PLEKHG2: variants seen among roughly 807,000 people sequenced by gnomAD.
PLEKHG2 encodes the protein pleckstrin homology domain-containing family G member 2.
A neutral mutation model predicts 104.4 loss-of-function variants in PLEKHG2; 71 were observed. That is an observed-to-expected ratio of 0.68 (90% CI 0.56 to 0.83). The LOEUF (loss-of-function observed/expected upper bound fraction) is 0.83. Ranked by LOEUF, PLEKHG2 falls within the 40% of genes least tolerant of loss-of-function variation. PLEKHG2 has a pLI of 0.00. For missense variants in PLEKHG2, 1,730 were observed against 1,809.4 expected (o/e 0.96, Z 0.80); for synonymous variants, 728 against 737.0 (o/e 0.99, Z 0.20).
chr19:39,425,336 A>G lies in PLEKHG2; in HGVS notation c.*42A>G. 6.3e-7 allele frequency: 1 copy of G among 1,580,164 alleles called. No individual in the cohort carries two copies. Among genetic ancestry groups the G allele is most frequent in the South Asian group, 1.2e-5 (1 of 86,538 alleles). ...TCCCTGAAGCAAGGATTTCAGCCAG[A>G]TGCCATAGACCCTCAGAACTTGACC... On this transcript the variant is annotated 3_prime_UTR_variant, in exon 19 of 19. Coordinates refer to ENST00000425673, the MANE Select transcript of PLEKHG2 (RefSeq NM_022835.3).
chr19:39,416,031 G>A lies in PLEKHG2; in HGVS notation c.480-317G>A, dbSNP rs940710636. ...ATGACATTTCCAAGTACCTTGACGAGGTCTCGGGATTACAGCAGGAACTTA... is the reference window on the plus strand; with the variant it reads ...ATGACATTTCCAAGTACCTTGACGAAGTCTCGGGATTACAGCAGGAACTTA... On this transcript the variant is annotated intron_variant, in intron 4 of 18. Coordinates refer to ENST00000425673, the MANE Select transcript of PLEKHG2 (RefSeq NM_022835.3). The surrounding 1 kb of genome is among the most constrained non-coding windows in gnomAD (Gnocchi z 4.5). 3.3e-5 allele frequency among the ~76,000 whole-genome samples: 5 copies of A among 152,124 alleles called. No individual in the cohort carries two copies. The highest frequency in any genetic ancestry group is 2.1e-4 in the South Asian group (1 of 4,828).
At position 39,416,303 on chromosome 19, in the gene PLEKHG2, G is replaced by A. The variant is rs1277531799; in HGVS notation, c.480-45G>A. On this transcript the variant is annotated intron_variant, in intron 4 of 18. Transcript: ENST00000425673. This position sits in a 1 kb window ranked among gnomAD's most constrained non-coding sequence, Gnocchi z 4.5. Reference sequence around the variant, plus strand: ...GCCTCCTGGAGGCCTCCCATGGAGGGGTCGTGAAGGCAGGCGGTTCCTCAC... The same window carrying A: ...GCCTCCTGGAGGCCTCCCATGGAGGAGTCGTGAAGGCAGGCGGTTCCTCAC... 3 of 1,602,260 alleles carry A rather than the reference G, an allele frequency of 1.9e-6. No homozygotes were observed. The highest frequency in any genetic ancestry group is 3.3e-5 in the Admixed American group (2 of 59,810).
At position 39,413,290 on chromosome 19, in the gene PLEKHG2, T is replaced by G. The variant is rs896747586; in HGVS notation, c.-145T>G. The G allele has an allele frequency of 6.6e-6, 1 of 152,186 alleles. No homozygotes were observed. The highest frequency in any genetic ancestry group is 2.4e-5 in the African/African-American group (1 of 41,430). 9.4% of individuals were successfully genotyped at this position (152,186 alleles called of 1,614,324 possible). ...GTCTCCGAGAGACCCCAGATTCTAT[T>G]CCTGGAGCCTGAGAGCCCGAAGTTC... On this transcript the variant is annotated 5_prime_UTR_variant, in exon 1 of 19. In the 5' UTR this introduces an upstream ATG that the reference lacks. Coordinates refer to ENST00000425673, the MANE Select transcript of PLEKHG2 (RefSeq NM_022835.3). The surrounding 1 kb of genome is among the most constrained non-coding windows in gnomAD (Gnocchi z 4.5).
In PLEKHG2 at chr19:39,416,793, C is replaced by T; in HGVS notation, c.594-57C>T. 2 of 1,549,152 alleles carry T rather than the reference C, an allele frequency of 1.3e-6. No homozygotes were observed. Among genetic ancestry groups the T allele is most frequent in the Non-Finnish European group, 1.7e-6 (2 of 1,149,226 alleles). On this transcript the variant is annotated intron_variant, in intron 6 of 18. Coordinates refer to ENST00000425673, the MANE Select transcript of PLEKHG2 (RefSeq NM_022835.3). The surrounding 1 kb of genome is among the most constrained non-coding windows in gnomAD (Gnocchi z 4.5). ...CCAAACCCTGGCCCCTCCCTAACCC[C>T]TCTTGACCCCGCCCACTGGAACTGA...
chr19:39,421,222 A>G (rs2078695260), intron 15 of PLEKHG2, 61 bp from the exon 16 acceptor site: 2 of 1,612,544 alleles, frequency 1.2e-6, no homozygotes, highest in Non-Finnish European at 1.7e-6. Flanking sequence ...TTATGGGGGA[A>G]TCACTCTTTT....
chr19:39,421,115 T>G lies in PLEKHG2; in HGVS notation c.1486+2T>G. On this transcript the variant is annotated splice_donor_variant, in intron 15 of 18. Transcript: ENST00000425673. LOFTEE classifies it high-confidence loss of function. ...CTTATGTCATGTTCCCACAGAACGG[T>G]CAGTGACTGCCCCGGTTCAGCCTGG... The G allele has an allele frequency of 6.2e-7, 1 of 1,613,974 alleles. No individual in the cohort carries two copies. Among genetic ancestry groups the G allele is most frequent in the Admixed American group, 1.7e-5 (1 of 60,022 alleles).
In PLEKHG2 at chr19:39,416,867, G is replaced by A. The variant is rs148224668; in HGVS notation, c.611G>A (p.Arg204Gln). Residue 204 changes from arginine to glutamine, a missense_variant, in exon 7 of 19, where the codon CGG becomes CAG. By Grantham distance (43) the Arg-to-Gln change is conservative. Coordinates refer to ENST00000425673, the MANE Select transcript of PLEKHG2 (RefSeq NM_022835.3). The surrounding 1 kb of genome is among the most constrained non-coding windows in gnomAD (Gnocchi z 4.5). ...MNYPSSLALLRELSLSPPAAL... is the reference protein window; with the variant it reads ...MNYPSSLALLQELSLSPPAAL... ...GCCCCCAGCTCCCTGGCCCTGCTCC[G>A]GGAGCTGTCGTTGTCTCCGCCAGCA... The A allele has an allele frequency of 1.2e-5, 19 of 1,608,344 alleles. No homozygotes were observed. Among genetic ancestry groups the A allele is most frequent in the Admixed American group, 1.7e-5 (1 of 59,238 alleles).
intron 2 of PLEKHG2, among the ~76,000 whole-genome samples, chr19:39,414,660 G>A (rs552455993): frequency 6.6e-6 from 1 of 152,330 alleles, no homozygotes; most frequent in East Asian, 1.9e-4. Context: ...ACATTGCCCA[G>A]TGCCCTGTGG....
In PLEKHG2 at chr19:39,418,940, G is replaced by A; in HGVS notation, c.1200G>A (p.Arg400=). 1.2e-6 allele frequency: 2 copies of A among 1,613,050 alleles called. No homozygotes were observed. The highest frequency in any genetic ancestry group is 1.1e-5 in the South Asian group (1 of 90,870). Residue 400 remains arginine (R), a synonymous_variant, in exon 11 of 19, where the codon AGG becomes AGA. Coordinates refer to ENST00000425673, the MANE Select transcript of PLEKHG2 (RefSeq NM_022835.3). ...AGGCCAAGAACCAAGAAGAGAAGAG[G>A]CTGTGGATTCACTGTCTCCAGCGCC... is the stretch of plus-strand genomic sequence containing the variant. ...LLQAKNQEEK[R]LWIHCLQRLF...
rs1331484397 is a variant in PLEKHG2 at position 39,417,765 on chromosome 19, A to G, written c.882+73A>G. On this transcript the variant is annotated intron_variant, in intron 8 of 18. Coordinates refer to ENST00000425673, the MANE Select transcript of PLEKHG2 (RefSeq NM_022835.3). The stretch of plus-strand genomic sequence containing the variant: ...GGGGCCTTGGGGCGGGTGGGGGGAA[A>G]TCAGTGCCTCAGAGGTAGCCTTGGA... 4.5e-6 allele frequency: 7 copies of G among 1,538,554 alleles called. No individual in the cohort carries two copies. In the Admixed American group the frequency reaches 5.8e-5, roughly 13 times the overall value.
Position 39,427,602 on chromosome 19 carries a change from T to G in PLEKHG2, c.*2308T>G, listed in dbSNP as rs985277302. 7.9e-5 allele frequency: 12 copies of G among 152,244 alleles called. No homozygotes were observed. Among genetic ancestry groups the G allele is most frequent in the African/African-American group, 2.9e-4 (12 of 41,448 alleles). The allele number at this position is 152,244 out of a possible 1,614,324, so 9.4% of individuals were successfully genotyped here. On this transcript the variant is annotated 3_prime_UTR_variant, in exon 19 of 19. Transcript: ENST00000425673. ...ACCTCGGCCTCCCAAAGTGTTGGGT[T>G]TACAGGCGTGAGCTACCATACCCTG...
rs753270064 is a variant in PLEKHG2 at position 39,417,597 on chromosome 19, C to A, written c.787C>A (p.Arg263Ser). The change falls in exon 8 of 19, where the codon CGC (arginine) becomes AGC (serine). Residue 263 changes from arginine (R) to serine (S), a missense_variant. Transcript: ENST00000425673. ...HWAEGPGTGG[R>S]EMVEEAIVSM... is the part of the protein sequence containing the mutation. Reference sequence around the variant, plus strand: ...GGCGGAGGGCCCAGGCACTGGGGGTCGCGAGATGGTGGAGGAAGCTATTGT... The same window carrying A: ...GGCGGAGGGCCCAGGCACTGGGGGTAGCGAGATGGTGGAGGAAGCTATTGT... 16 of 1,614,038 alleles carry A rather than the reference C, an allele frequency of 9.9e-6. No homozygotes were observed. Among genetic ancestry groups the A allele is most frequent in the Non-Finnish European group, 1.1e-5 (13 of 1,180,018 alleles).
chr19:39,420,731 C>T lies in PLEKHG2; in HGVS notation c.1298-20C>T. 6.2e-7 allele frequency: 1 copy of T among 1,614,114 alleles called. No individual in the cohort carries two copies. The highest frequency in any genetic ancestry group is 1.7e-5 in the Admixed American group (1 of 60,024). The stretch of plus-strand genomic sequence containing the variant: ...CTTCCAAGAAAAAGTTGGCTTTTAG[C>T]CCCAAAACTCTCCCCACAGGTGCCC... On this transcript the variant is annotated intron_variant, in intron 12 of 18. Transcript: ENST00000425673.
chr19:39,415,842 G>A lies in PLEKHG2; in HGVS notation c.479+403G>A, dbSNP rs575943099. On this transcript the variant is annotated intron_variant, in intron 4 of 18. Coordinates refer to ENST00000425673, the MANE Select transcript of PLEKHG2 (RefSeq NM_022835.3). This position sits in a 1 kb window ranked among gnomAD's most constrained non-coding sequence, Gnocchi z 4.6. ...TGAATCCAAGAATCATATGGGGCCT[G>A]AAGGCCGAGACAGCGTGAGCATGCG... Among the ~76,000 whole-genome samples, 1 of 152,302 alleles carries A rather than the reference G, an allele frequency of 6.6e-6. No individual in the cohort carries two copies. Among genetic ancestry groups the A allele is most frequent in the African/African-American group, 2.4e-5 (1 of 41,556 alleles).
Position 39,416,357 on chromosome 19 carries a change from G to A in PLEKHG2, c.489G>A (p.Leu163=), listed in dbSNP as rs779039382. The stretch of plus-strand genomic sequence containing the variant: ...CCCCTCTCCCCTGTAGCGAGCTCCT[G>A]GAGGACTTGGAGAACAGCAGCAGCG... ...EDIYEFSSEL[L]EDLENSSSAG... is the part of the protein sequence containing the mutation. The change falls in exon 5 of 19, where the codon CTG becomes CTA. Residue 163 remains leucine (L), a synonymous_variant. Transcript: ENST00000425673. The surrounding 1 kb of genome is among the most constrained non-coding windows in gnomAD (Gnocchi z 4.5). 5.6e-6 allele frequency: 9 copies of A among 1,612,876 alleles called. No homozygotes were observed. In the Admixed American group the frequency reaches 1.0e-4, roughly 18 times the overall value.
intron 11 of PLEKHG2, 152 bp downstream of exon 11, chr19:39,419,155 C>G: frequency 1.4e-6 from 1 of 696,796 alleles, no homozygotes; most frequent in Non-Finnish European, 2.2e-6. Context: ...TGAATCTTAG[C>G]TCTACCATGT....
chr19:39,414,016 C>T (rs1166314887), intron 1 of PLEKHG2, 49 bp from the exon 2 acceptor site: 39 of 1,335,536 alleles, frequency 2.9e-5, no homozygotes, highest in Middle Eastern at 2.0e-4. Flanking sequence ...GTCTGGGCGG[C>T]GGAGAGGCCC....
At position 39,415,057 on chromosome 19, in the gene PLEKHG2, G is replaced by A; in HGVS notation, c.175G>A (p.Gly59Ser). The A allele has an allele frequency of 1.3e-6, 2 of 1,593,712 alleles. No homozygotes were observed. The highest frequency in any genetic ancestry group is 1.1e-5 in the South Asian group (1 of 87,978). The part of the protein sequence containing the change: ...SGSSTSLSTV[G>S]SEGDPAPGPT... ...GAGCTCCACATCCCTGAGCACAGTG[G>A]GCTCTGAGGGGGATCCAGCCCCTGG... is the stretch of plus-strand genomic sequence containing the variant. Residue 59 changes from glycine (G) to serine (S), a missense_variant, in exon 3 of 19, where the codon GGC becomes AGC. By Grantham distance (56) the Gly-to-Ser change is moderately conservative. Coordinates refer to ENST00000425673, the MANE Select transcript of PLEKHG2 (RefSeq NM_022835.3). This position sits in a 1 kb window ranked among gnomAD's most constrained non-coding sequence, Gnocchi z 4.6.
intron 2 of PLEKHG2, 152 bp downstream of exon 2, chr19:39,414,347 C>A: frequency 1.3e-6 from 1 of 742,106 alleles, no homozygotes; most frequent in Non-Finnish European, 2.2e-6. Context: ...AATGACAGGC[C>A]AGAGGGGGCA....
Sources: gnomAD v4.1 joint callset for allele counts (sites outside exome capture counted in the v4.1 genomes callset) on GRCh38, gnomAD v4.1.1 for gene constraint, Gnocchi (gnomAD v3.1) non-coding constraint, MANE v1.5 for transcripts, NCBI Gene and HGNC (gene_info 2026-07-23, HGNC 2026-07-21) for gene names.